The following AP2A2 variants were observed in gnomAD, a reference collection of about 807,000 sequenced individuals.
The protein encoded by AP2A2 is adaptor related protein complex 2 subunit alpha 2, also known as AP-2 complex subunit alpha-2.
Under a neutral mutation model 104.2 loss-of-function variants are expected in AP2A2, and 32 were observed. The ratio of observed to expected loss-of-function variants is 0.31; its 90% confidence interval spans 0.23 to 0.41. The LOEUF (loss-of-function observed/expected upper bound fraction) is 0.41. Ranked by LOEUF, AP2A2 falls within the 10% of genes least tolerant of loss-of-function variation. The pLI is 1.00. For synonymous variants in AP2A2, 539 were observed against 533.3 expected (o/e 1.01, Z -0.15); for missense variants, 912 against 1,261.0 (o/e 0.72, Z 4.19).
rs977709874 is a variant in AP2A2, at chr11:984,868, A to T, written c.814+115A>T. ...AGTGTGTTACTAGCCCTGTCTCTTG[A>T]TTCATGGACCTTTCTGCCAGTGCTG... On this transcript the variant is annotated intron_variant, in intron 7 of 21. Transcript: ENST00000448903. 3.3e-6 allele frequency: 3 copies of T among 902,248 alleles called. No homozygotes were observed. In the African/African-American group the frequency reaches 4.9e-5, roughly 15 times the overall value. The allele number at this position is 902,248 out of a possible 1,614,324, so 55.9% of individuals were successfully genotyped here. A position where few individuals can be genotyped will look rare whatever the true frequency, so the allele number is the denominator to read the frequency against.
chr11:935,603 G>GTTT lies in AP2A2; in HGVS notation c.67+9535_67+9537dup, dbSNP rs757190222. 9.2e-4 allele frequency among the ~76,000 whole-genome samples: 72 copies of GTTT among 77,944 alleles called. 5 individuals carry two copies. Among genetic ancestry groups the GTTT allele is most frequent in the South Asian group, 8.3e-3 (10 of 1,210 alleles). The allele number at this position is 77,944 out of a possible 152,430, so 51.1% of individuals were successfully genotyped here. A position where few individuals can be genotyped will look rare whatever the true frequency, so the allele number is the denominator to read the frequency against. On this transcript the variant is annotated intron_variant, in intron 1 of 21. Coordinates refer to ENST00000448903, the MANE Select transcript of AP2A2 (RefSeq NM_012305.4). The stretch of plus-strand genomic sequence containing the variant: ...AAGTGTGAGCCACTGTGCCCGGCCA[G>GTTT]TTTTTTTTTTTTTTTTTTTTTTGAG...
chr11:993,669 C>A lies in AP2A2; in HGVS notation c.1551-85C>A, dbSNP rs1414048185. 31 of 1,077,034 alleles carry A rather than the reference C, an allele frequency of 2.9e-5. No individual in the cohort carries two copies. Among genetic ancestry groups the A allele is most frequent in the Non-Finnish European group, 3.9e-5 (29 of 746,950 alleles). The allele number at this position is 1,077,034 out of a possible 1,614,324, so 66.7% of individuals were successfully genotyped here. A position where few individuals can be genotyped will look rare whatever the true frequency, so the allele number is the denominator to read the frequency against. On this transcript the variant is annotated intron_variant, in intron 12 of 21. Transcript: ENST00000448903. This position sits in a 1 kb window ranked among gnomAD's most constrained non-coding sequence, Gnocchi z 8.2. ...CGGCCTCTGGTGCAGGCCAGGGGGTCTCGCCGCCGTCCCCCCCCCGCGGGG... is the reference window on the plus strand; with the variant it reads ...CGGCCTCTGGTGCAGGCCAGGGGGTATCGCCGCCGTCCCCCCCCCGCGGGG...
intron 6 of AP2A2, among the ~76,000 whole-genome samples, chr11:984,080 A>G (rs1035222936): frequency 6.6e-6 from 1 of 152,144 alleles, no homozygotes; most frequent in African/African-American, 2.4e-5. Flanking sequence ...GAAACAGGAG[A>G]CATCGGGCTG....
rs544913154 is a variant in AP2A2, at chr11:955,865, G to A, written c.68-3572G>A. 5.3e-5 allele frequency among the ~76,000 whole-genome samples: 8 copies of A among 152,356 alleles called. No homozygotes were observed. The South Asian group carries it at 6.2e-4, about 12-fold the overall frequency. ...TGGTGGAGTTCGGCCCTGTGACTGC[G>A]TAGGGCAGGGGTGAGCTCTTTGTCC... On this transcript the variant is annotated intron_variant, in intron 1 of 21. Coordinates refer to ENST00000448903, the MANE Select transcript of AP2A2 (RefSeq NM_012305.4).
intron 15 of AP2A2, among the ~76,000 whole-genome samples, chr11:1,000,942 G>A (rs1856011460): frequency 6.6e-6 from 1 of 152,150 alleles, no homozygotes; most frequent in African/African-American, 2.4e-5. Flanking sequence ...GTAGCTACAC[G>A]TCTCCTCTCT....
At chr11:950,953 G>A (rs1300824660) in intron 1 of AP2A2, among the ~76,000 whole-genome samples, 5 of 151,914 alleles carry the variant, frequency 3.3e-5, no homozygotes, top group Non-Finnish European at 7.4e-5. Context: ...TTAACTGGGT[G>A]TGGTGGTGTG....
chr11:979,605 A>G (rs896943108), intron 5 of AP2A2, among the ~76,000 whole-genome samples: 1 of 152,164 alleles, frequency 6.6e-6, no homozygotes, highest in African/African-American at 2.4e-5. Flanking sequence ...TCTGTCACCC[A>G]GGCTGGAGTG....
intron 1 of AP2A2, among the ~76,000 whole-genome samples, chr11:944,462 G>A (rs1173243265): frequency 6.6e-6 from 1 of 152,140 alleles, no homozygotes; most frequent in Non-Finnish European, 1.5e-5. Context: ...AGTGGACAGA[G>A]ATCAAAAAGA....
intron 4 of AP2A2, among the ~76,000 whole-genome samples, chr11:973,286 A>G (rs1298757509): frequency 6.6e-6 from 1 of 152,210 alleles, no homozygotes; most frequent in African/African-American, 2.4e-5. Flanking sequence ...TTTGGTTGTC[A>G]CAGTGGGTAG....
chr11:1,000,368 A>G, intron 14 of AP2A2, 64 bp from the exon 15 acceptor site: 2 of 1,500,198 alleles, frequency 1.3e-6, no homozygotes, highest in South Asian at 1.2e-5. Context: ...TGCAGGCGTG[A>G]GCTGCCTGGG....
At chr11:956,007 G>A (rs1854221707) in intron 1 of AP2A2, among the ~76,000 whole-genome samples, 1 of 152,138 alleles carries the variant, frequency 6.6e-6, no homozygotes, top group Non-Finnish European at 1.5e-5. Context: ...ACTCACTTGA[G>A]AAGGTTTTTT....
intron 1 of AP2A2, among the ~76,000 whole-genome samples, chr11:932,982 C>G (rs1393222496): frequency 6.6e-6 from 1 of 152,130 alleles, no homozygotes; most frequent in Non-Finnish European, 1.5e-5. Context: ...TTAAAAAAAT[C>G]AAATACGCCG....
chr11:976,176 C>T (rs910497667), intron 4 of AP2A2, among the ~76,000 whole-genome samples: 1 of 152,194 alleles, frequency 6.6e-6, no homozygotes, highest in Non-Finnish European at 1.5e-5. Context: ...GCGGTTGCTG[C>T]TCTGGGCTGA....
chr11:985,651 A>T, intron 8 of AP2A2, 69 bp downstream of exon 8: 1 of 1,595,874 alleles, frequency 6.3e-7, no homozygotes, highest in Admixed American at 1.7e-5. Flanking sequence ...TTGGCACGAG[A>T]CTGGGCGGAT....
intron 1 of AP2A2, chr11:948,543 A>G (rs1853929295): frequency 6.6e-6 from 1 of 152,234 alleles, no homozygotes; most frequent in Non-Finnish European, 1.5e-5. Flanking sequence ...ATAGACTTAT[A>G]ATAAGTAAAT....
chr11:989,810 G>A (rs1855586125), intron 10 of AP2A2, among the ~76,000 whole-genome samples: 1 of 152,254 alleles, frequency 6.6e-6, no homozygotes, highest in Non-Finnish European at 1.5e-5. Context: ...TAAGGGGGAG[G>A]CCCGGTGTCC....
At chr11:1,006,054 CCAGCCGGGTCCCCTGACAGGAGG>C (rs1856191283) in intron 16 of AP2A2, among the ~76,000 whole-genome samples, 1 of 152,226 alleles carries the variant, frequency 6.6e-6, no homozygotes, top group African/African-American at 2.4e-5. Flanking sequence ...GGACGCGTGC[CCAGCCGGGTCCCCTGACAGGAGG>C]CAGCCGGGGC....
At chr11:1,000,645 C>A in intron 15 of AP2A2, 47 bp downstream of exon 15, 1 of 1,510,162 alleles carries the variant, frequency 6.6e-7, no homozygotes, top group South Asian at 1.2e-5. Flanking sequence ...GGCTGCCGTG[C>A]CCCCTGACTT....
Position 1,012,173 on chromosome 11 carries a change from GTGCGGCGC to G in AP2A2, c.*1552_*1559del, listed in dbSNP as rs1856459318. 1 of 152,534 alleles carries G rather than the reference GTGCGGCGC, an allele frequency of 6.6e-6. No homozygotes were observed. Among genetic ancestry groups the G allele is most frequent in the Non-Finnish European group, 1.5e-5 (1 of 68,308 alleles). The allele number at this position is 152,534 out of a possible 1,614,324, so 9.4% of individuals were successfully genotyped here. A position where few individuals can be genotyped will look rare whatever the true frequency, so the allele number is the denominator to read the frequency against. On this transcript the variant is annotated 3_prime_UTR_variant, in exon 22 of 22. Coordinates refer to ENST00000448903, the MANE Select transcript of AP2A2 (RefSeq NM_012305.4). ...CTGCTCCCCGAGGCACCGCTTCCCT[GTGCGGCGC>G]TGCAGAGGGGCCCTCAGTGTGGCAC...
Sources: allele counts gnomAD v4.1 joint callset (sites outside exome capture counted in the v4.1 genomes callset), GRCh38; gene constraint gnomAD v4.1.1; non-coding constraint Gnocchi (gnomAD v3.1); transcripts MANE v1.5; gene names NCBI Gene and HGNC (gene_info 2026-07-23, HGNC 2026-07-21).